KIAA0825: variants seen among roughly 807,000 people sequenced by gnomAD.
The protein encoded by KIAA0825 is KIAA0825, also known as uncharacterized protein KIAA0825.
A neutral mutation model predicts 147.6 loss-of-function variants in KIAA0825; 119 were observed. The ratio of observed to expected loss-of-function variants is 0.81; its 90% confidence interval spans 0.69 to 0.94. The LOEUF (loss-of-function observed/expected upper bound fraction) is 0.94. Among genes scored for constraint, KIAA0825 ranks in the 40% least tolerant of loss-of-function variants. KIAA0825 has a pLI of 0.00. For synonymous variants in KIAA0825, 470 were observed against 518.1 expected, an observed-to-expected ratio of 0.91 and a Z score of 1.26; for missense variants, 1,381 against 1,472.7, an observed-to-expected ratio of 0.94 and a Z score of 1.02.
chr5:94,483,689 A>C (rs1762734871), intron 6 of KIAA0825, among the ~76,000 whole-genome samples: 2 of 151,660 alleles, frequency 1.3e-5, no homozygotes, highest in Non-Finnish European at 3.0e-5. Context: ...TTTATTTTAT[A>C]ATATAACAGT....
intron 20 of KIAA0825, among the ~76,000 whole-genome samples, chr5:94,379,336 C>A (rs1048051003): frequency 2.6e-5 from 4 of 152,146 alleles, no homozygotes; most frequent in African/African-American, 9.7e-5. Context: ...TGCCTGTTAT[C>A]TTAGCACCAT....
chr5:94,204,551 A>C (rs1771981305), intron 20 of KIAA0825, among the ~76,000 whole-genome samples: 1 of 152,238 alleles, frequency 6.6e-6, no homozygotes, highest in African/African-American at 2.4e-5. Context: ...ATTTATGGAA[A>C]AATAAATTTC....
At chr5:94,203,842 A>G (rs1771913214) in intron 20 of KIAA0825, among the ~76,000 whole-genome samples, 1 of 152,194 alleles carries the variant, frequency 6.6e-6, no homozygotes, top group Non-Finnish European at 1.5e-5. Flanking sequence ...TTTGAGAAAT[A>G]ATATGTCAAA....
At chr5:94,572,784 A>C (rs1159039780) in intron 2 of KIAA0825, among the ~76,000 whole-genome samples, 2 of 152,240 alleles carry the variant, frequency 1.3e-5, no homozygotes, top group African/African-American at 4.8e-5. Context: ...AAAAAGGGAC[A>C]GCAGAAAGGG....
intron 20 of KIAA0825, among the ~76,000 whole-genome samples, chr5:94,334,363 C>T (rs982090954): frequency 6.6e-6 from 1 of 152,244 alleles, no homozygotes; most frequent in Non-Finnish European, 1.5e-5. Flanking sequence ...TCACATAGTT[C>T]AACAGAAGAA....
intron 5 of KIAA0825, among the ~76,000 whole-genome samples, chr5:94,508,233 A>G (rs1448428626): frequency 1.3e-5 from 2 of 152,152 alleles, no homozygotes; most frequent in East Asian, 3.8e-4. Context: ...ATTTCAGCAT[A>G]GCAGCTGTAA....
intron 20 of KIAA0825, among the ~76,000 whole-genome samples, chr5:94,278,814 T>G (rs1777335508): frequency 7.1e-6 from 1 of 140,688 alleles, no homozygotes; most frequent in Non-Finnish European, 1.5e-5. Context: ...AATTCTGTTT[T>G]GTCTCAAATT....
At position 94,476,777 on chromosome 5, in the gene KIAA0825, G is replaced by T. The variant is rs559430798; in HGVS notation, c.1227+334C>A. On this transcript the variant is annotated intron_variant, in intron 7 of 20. Coordinates refer to ENST00000682413, the MANE Select transcript of KIAA0825 (RefSeq NM_001145678.3). ...AAATATGAGGCCAGTTGAGATGATT[G>T]TTTCCTTTTCCTTTTTAATCTCCAT... Among the ~76,000 whole-genome samples, 38 of 152,206 alleles carry T rather than the reference G, an allele frequency of 2.5e-4. 1 individual carries two copies. The highest frequency in any genetic ancestry group is 2.4e-3 in the Admixed American group (37 of 15,296).
intron 19 of KIAA0825, among the ~76,000 whole-genome samples, chr5:94,385,921 G>A (rs1044864797): frequency 6.6e-6 from 1 of 152,136 alleles, no homozygotes; most frequent in African/African-American, 2.4e-5. Flanking sequence ...GATGGGGGTG[G>A]CAAGGGAGGA....
intron 5 of KIAA0825, among the ~76,000 whole-genome samples, chr5:94,504,530 G>C (rs1218660829): frequency 1.3e-5 from 2 of 152,116 alleles, no homozygotes; most frequent in Admixed American, 6.5e-5. Context: ...ATTCCAAAAT[G>C]GTATTAAATA....
chr5:94,500,105 T>C (rs1454842784), intron 5 of KIAA0825, among the ~76,000 whole-genome samples: 1 of 152,004 alleles, frequency 6.6e-6, no homozygotes, highest in African/African-American at 2.4e-5. Flanking sequence ...GTGAAAAATA[T>C]GAGGTGGGGA....
chr5:94,438,553 C>T (rs1200898503), intron 14 of KIAA0825, among the ~76,000 whole-genome samples: 1 of 152,028 alleles, frequency 6.6e-6, no homozygotes, highest in Admixed American at 6.6e-5. Flanking sequence ...CAAGCTCTGC[C>T]TTTCTGCCTG....
intron 1 of KIAA0825, among the ~76,000 whole-genome samples, chr5:94,585,279 C>T (rs145462433): frequency 0.013 from 1,954 of 152,292 alleles, 24 homozygotes; most frequent in Non-Finnish European, 0.021. Flanking sequence ...CATTGGTGTG[C>T]TGTATTCAGG....
At chr5:94,248,022 T>A (rs914462586) in intron 20 of KIAA0825, among the ~76,000 whole-genome samples, 1 of 152,120 alleles carries the variant, frequency 6.6e-6, no homozygotes, top group African/African-American at 2.4e-5. Context: ...ACTCAAAAAA[T>A]GTATAGATAG....
In KIAA0825 at chr5:94,575,312, T is replaced by A. The variant is rs148623694; in HGVS notation, c.-2+7121A>T. Among the ~76,000 whole-genome samples the A allele has an allele frequency of 6.0e-4, 91 of 150,826 alleles. No individual in the cohort carries two copies. The East Asian group carries it at 0.015, about 24-fold the overall frequency. Reference sequence around the variant, plus strand: ...GAGGAAGATCAATTAGGAAGATAATTAGTAGATATGAAGGTGATGATAAAT... The same window carrying A: ...GAGGAAGATCAATTAGGAAGATAATAAGTAGATATGAAGGTGATGATAAAT... On this transcript the variant is annotated intron_variant, in intron 2 of 20. Transcript: ENST00000682413.
chr5:94,313,828 C>A (rs2150215605), intron 20 of KIAA0825, among the ~76,000 whole-genome samples: 1 of 151,666 alleles, frequency 6.6e-6, no homozygotes, highest in Admixed American at 6.6e-5. Context: ...CTAGCTGGAC[C>A]TTTACCTTAC....
chr5:94,295,668 ACAGT>A (rs559086365), intron 20 of KIAA0825, among the ~76,000 whole-genome samples: 1 of 152,166 alleles, frequency 6.6e-6, no homozygotes, highest in South Asian at 2.1e-4. Context: ...TTTCCTTCTA[ACAGT>A]CAGGCCCTTC....
chr5:94,303,743 C>T (rs1368178815), intron 20 of KIAA0825, among the ~76,000 whole-genome samples: 2 of 151,782 alleles, frequency 1.3e-5, no homozygotes, highest in Non-Finnish European at 2.9e-5. Context: ...TAAGTGGATC[C>T]TAGGAGAACA....
rs575890481 is a variant in KIAA0825, at chr5:94,232,335, C to T, written c.3711-78211G>A. ...AGTTGTTGGCCTTGGAATTTGTTTCCGTTTTCTTCCTTTGTTACTTTAAAG... is the reference window on the plus strand; with the variant it reads ...AGTTGTTGGCCTTGGAATTTGTTTCTGTTTTCTTCCTTTGTTACTTTAAAG... On this transcript the variant is annotated intron_variant, in intron 20 of 20. Transcript: ENST00000682413. Among the ~76,000 whole-genome samples, 4 of 152,122 alleles carry T rather than the reference C, an allele frequency of 2.6e-5. No individual in the cohort carries two copies. In the East Asian group the frequency reaches 5.8e-4, roughly 22 times the overall value.
Sources: gnomAD v4.1 joint callset for allele counts (sites outside exome capture counted in the v4.1 genomes callset) on GRCh38, gnomAD v4.1.1 for gene constraint, MANE v1.5 for transcripts, NCBI Gene and HGNC (gene_info 2026-07-23, HGNC 2026-07-21) for gene names.